The following FXR2 variants were observed in gnomAD, a reference collection of about 807,000 sequenced individuals.
FXR2 encodes the protein RNA-binding protein FXR2.
In FXR2, 9 loss-of-function variants were observed where a neutral mutation model predicts 87.3. That is an observed-to-expected ratio of 0.10 (90% CI 0.06 to 0.18). The LOEUF (loss-of-function observed/expected upper bound fraction) is 0.18. FXR2 is among the 10% of genes least tolerant of loss of function. The probability of loss-of-function intolerance (pLI) is 1.00; values close to 1 mark genes in which losing one functional copy is unlikely to be tolerated. For missense variants in FXR2, 661 were observed against 893.6 expected (o/e 0.74, Z 3.32); for synonymous variants, 331 against 328.3 (o/e 1.01, Z -0.09).
At chr17:7,613,451 A>G (rs2071894321) in intron 1 of FXR2, among the ~76,000 whole-genome samples, 1 of 152,192 alleles carries the variant, frequency 6.6e-6, no homozygotes, top group African/African-American at 2.4e-5. Flanking sequence ...TTCAGAGCAG[A>G]TAAGGAAGGT....
In FXR2 at chr17:7,593,118, C is replaced by T. The variant is rs201963372; in HGVS notation, c.1394G>A (p.Arg465Gln). Residue 465 changes from arginine to glutamine, a missense_variant, in exon 13 of 17, where the codon CGA (arginine) becomes CAA (glutamine). Arg to Gln is a conservative substitution (Grantham distance 43, BLOSUM62 1). Around this residue, in one of 3 missense-constraint regions of FXR2, gnomAD observed 409 missense variants for 432.0 expected, o/e 0.95. Coordinates refer to ENST00000250113, the MANE Select transcript of FXR2 (RefSeq NM_004860.4). This position sits in a 1 kb window ranked among gnomAD's most constrained non-coding sequence, Gnocchi z 6.1. The stretch of plus-strand genomic sequence containing the variant: ...GGGATCCCTGTCGCCAGGCCCAGCT[C>T]GGTTGGGCTCCTCTCTCTTCTCTGA... ...TESEKREEPNRAGPGDRDPPT... is the reference protein window; with the variant it reads ...TESEKREEPNQAGPGDRDPPT... The T allele has an allele frequency of 9.5e-5, 150 of 1,582,482 alleles. 1 individual carries two copies. The African/African-American group carries it at 1.4e-3, about 15-fold the overall frequency.
intron 6 of FXR2, among the ~76,000 whole-genome samples, chr17:7,601,784 G>A (rs2071758362): frequency 1.3e-5 from 2 of 152,036 alleles, no homozygotes; most frequent in Non-Finnish European, 2.9e-5. Flanking sequence ...AAAATTAGCT[G>A]GGCGTGGTGG....
chr17:7,601,544 G>A lies in FXR2; in HGVS notation c.544-19C>T. 3 of 1,430,732 alleles carry A rather than the reference G, an allele frequency of 2.1e-6. No individual in the cohort carries two copies. The highest frequency in any genetic ancestry group is 3.0e-6 in the Non-Finnish European group (3 of 1,013,808). 88.6% of individuals were successfully genotyped at this position (1,430,732 alleles called of 1,614,324 possible). A position where few individuals can be genotyped will look rare whatever the true frequency, so the allele number is the denominator to read the frequency against. On this transcript the variant is annotated intron_variant, in intron 6 of 16. Transcript: ENST00000250113. The stretch of plus-strand genomic sequence containing the variant: ...TGGTTGACTGGGAGGAAACCAGTGG[G>A]AAAGTCATTAAAACTGGCTTGGAAT...
chr17:7,594,337 A>G lies in FXR2; in HGVS notation c.921T>C (p.Ile307=). The change falls in exon 10 of 17, where the codon ATT becomes ATC. Residue 307 remains isoleucine (I), a synonymous_variant. Transcript: ENST00000250113. The surrounding 1 kb of genome is among the most constrained non-coding windows in gnomAD (Gnocchi z 5.1). Reference sequence around the variant, plus strand: ...CCTGGATCACTTTCCCGTTCTTTCCAATCACTTTGCCTGGAATAGGTAAAT... The same window carrying G: ...CCTGGATCACTTTCCCGTTCTTTCCGATCACTTTGCCTGGAATAGGTAAAT... ...QVPRNLVGKV[I]GKNGKVIQEI... The G allele has an allele frequency of 1.2e-6, 2 of 1,608,268 alleles. No individual in the cohort carries two copies. Among genetic ancestry groups the G allele is most frequent in the African/African-American group, 1.3e-5 (1 of 74,928 alleles).
At chr17:7,596,183 C>T (rs541003365) in intron 7 of FXR2, 189 bp from the exon 8 acceptor site, 18 of 534,454 alleles carry the variant, frequency 3.4e-5, no homozygotes, top group East Asian at 2.2e-4. Flanking sequence ...TTTGAGATGG[C>T]GTCTCGCTCT....
chr17:7,592,189 T>G lies in FXR2; in HGVS notation c.1926+65A>C. Reference sequence around the variant, plus strand: ...TTCAGTAGGAGATTTGTGAAATTTTTTGTGCCCCCTGCCCCAGAGTAACAA... The same window carrying G: ...TTCAGTAGGAGATTTGTGAAATTTTGTGTGCCCCCTGCCCCAGAGTAACAA... On this transcript the variant is annotated intron_variant, in intron 16 of 16. Coordinates refer to ENST00000250113, the MANE Select transcript of FXR2 (RefSeq NM_004860.4). This position sits in a 1 kb window ranked among gnomAD's most constrained non-coding sequence, Gnocchi z 4.8. 2 of 1,541,696 alleles carry G rather than the reference T, an allele frequency of 1.3e-6. No homozygotes were observed. Among genetic ancestry groups the G allele is most frequent in the Non-Finnish European group, 1.8e-6 (2 of 1,126,992 alleles).
Position 7,594,512 on chromosome 17 carries a change from C to G in FXR2, c.911-165G>C. 1.5e-6 allele frequency: 1 copy of G among 671,812 alleles called. No homozygotes were observed. Among genetic ancestry groups the G allele is most frequent in the Non-Finnish European group, 2.6e-6 (1 of 381,586 alleles). 41.6% of individuals were successfully genotyped at this position (671,812 alleles called of 1,614,324 possible). A position where few individuals can be genotyped will look rare whatever the true frequency, so the allele number is the denominator to read the frequency against. On this transcript the variant is annotated intron_variant, in intron 9 of 16. Transcript: ENST00000250113. The surrounding 1 kb of genome is among the most constrained non-coding windows in gnomAD (Gnocchi z 5.1). The stretch of plus-strand genomic sequence containing the variant: ...TTTTTACAGGACAAAATGTTACAAT[C>G]CCTAGAAATTTATTCTTTCATTTTT...
At chr17:7,598,428 C>T (rs2071725653) in intron 7 of FXR2, among the ~76,000 whole-genome samples, 1 of 152,224 alleles carries the variant, frequency 6.6e-6, no homozygotes, top group Non-Finnish European at 1.5e-5. Flanking sequence ...GCACTCCAGC[C>T]TGGGTGACAG....
chr17:7,600,061 C>A (rs1044163644), intron 7 of FXR2, among the ~76,000 whole-genome samples: 1 of 151,106 alleles, frequency 6.6e-6, no homozygotes. Flanking sequence ...CCACGCCTGG[C>A]TAATTTTTGT....
chr17:7,593,073 C>T lies in FXR2; in HGVS notation c.1439G>A (p.Ser480Asn). The T allele has an allele frequency of 1.9e-6, 3 of 1,591,768 alleles. No individual in the cohort carries two copies. The highest frequency in any genetic ancestry group is 3.4e-4 in the Middle Eastern group (2 of 5,938). The change falls in exon 13 of 17, where the codon AGC becomes AAC. Residue 480 changes from serine (S) to asparagine (N), a missense_variant. Ser to Asn is a conservative substitution (Grantham distance 46, BLOSUM62 1). Transcript: ENST00000250113. This position sits in a 1 kb window ranked among gnomAD's most constrained non-coding sequence, Gnocchi z 6.1. The stretch of plus-strand genomic sequence containing the variant: ...CCGGCCCCCAGTCGGCCGCCTCCGG[C>T]TTTCTTCCCCTCGGGTTGGGGGATC... ...DRDPPTRGEE[S>N]RRRPTGGRGR...
chr17:7,607,727 T>G (rs1351561134), intron 1 of FXR2, among the ~76,000 whole-genome samples: 1 of 151,604 alleles, frequency 6.6e-6, no homozygotes, highest in Non-Finnish European at 1.5e-5. Flanking sequence ...GTGCCCAGCC[T>G]ATGATCCATT....
intron 3 of FXR2, 31 bp from the exon 4 acceptor site, chr17:7,604,111 T>G: frequency 6.7e-7 from 1 of 1,489,002 alleles, no homozygotes; most frequent in Non-Finnish European, 9.2e-7. Context: ...AAAGAGATAT[T>G]GAAGACCACC....
intron 5 of FXR2, 35 bp from the exon 6 acceptor site, chr17:7,603,037 C>T (rs2071771856): frequency 9.6e-7 from 1 of 1,044,838 alleles, no homozygotes. Flanking sequence ...GGGCAGAATG[C>T]AGAGAGTACA....
rs778417682 is a variant in FXR2 at position 7,594,742 on chromosome 17, G to T, written c.847C>A (p.Arg283=). The change falls in exon 9 of 17, where the codon CGA becomes AGA. Residue 283 remains arginine (R), a synonymous_variant. Transcript: ENST00000250113. The surrounding 1 kb of genome is among the most constrained non-coding windows in gnomAD (Gnocchi z 5.1). ...AACTCAAGGTAGCTTCGGGCCTGTCGGCAAGCCTCGGGAGTCTAAAGGAAG... is the reference window on the plus strand; with the variant it reads ...AACTCAAGGTAGCTTCGGGCCTGTCTGCAAGCCTCGGGAGTCTAAAGGAAG... The part of the protein sequence containing the change: ...RIYGETPEAC[R]QARSYLEFSE... 1.9e-6 allele frequency: 3 copies of T among 1,609,518 alleles called. No homozygotes were observed. The South Asian group carries it at 3.3e-5, about 18-fold the overall frequency.
intron 1 of FXR2, among the ~76,000 whole-genome samples, chr17:7,608,439 A>T (rs1641546): frequency 0.25 from 37,279 of 147,044 alleles, 5,460 homozygotes; most frequent in Middle Eastern, 0.42. Context: ...TAAAAAAAAA[A>T]AAAAATAATA....
Position 7,591,517 on chromosome 17 carries a change from C to A in FXR2, c.*313G>T, listed in dbSNP as rs949485849. ...TCAAATCTGGGTGGGTCGAGGAGCA[C>A]CCCCCACCAACAGGTGGAGAATGGG... On this transcript the variant is annotated 3_prime_UTR_variant, in exon 17 of 17. Coordinates refer to ENST00000250113, the MANE Select transcript of FXR2 (RefSeq NM_004860.4). The surrounding 1 kb of genome is among the most constrained non-coding windows in gnomAD (Gnocchi z 4.0). The A allele has an allele frequency of 1.4e-4, 47 of 339,224 alleles. No individual in the cohort carries two copies. In the East Asian group the frequency reaches 3.5e-3, roughly 25 times the overall value. 21.0% of individuals were successfully genotyped at this position (339,224 alleles called of 1,614,324 possible). A position where few individuals can be genotyped will look rare whatever the true frequency, so the allele number is the denominator to read the frequency against.
intron 1 of FXR2, among the ~76,000 whole-genome samples, chr17:7,608,269 AGATATCT>A (rs1387898728): frequency 1.4e-4 from 21 of 151,586 alleles, no homozygotes; most frequent in Admixed American, 9.2e-4. Flanking sequence ...TTTTACCTAA[AGATATCT>A]TGTTCCAGCA....
At position 7,594,149 on chromosome 17, in the gene FXR2, C is replaced by A; in HGVS notation, c.1020+89G>T. 1.1e-6 allele frequency: 1 copy of A among 917,186 alleles called. No homozygotes were observed. The highest frequency in any genetic ancestry group is 1.8e-6 in the Non-Finnish European group (1 of 562,028). 56.8% of individuals were successfully genotyped at this position (917,186 alleles called of 1,614,324 possible). A position where few individuals can be genotyped will look rare whatever the true frequency, so the allele number is the denominator to read the frequency against. On this transcript the variant is annotated intron_variant, in intron 10 of 16. Transcript: ENST00000250113. The surrounding 1 kb of genome is among the most constrained non-coding windows in gnomAD (Gnocchi z 5.1). Reference sequence around the variant, plus strand: ...GTGTTAAACAACTTTCCGTACTCCACCCTCTCAAAGAACAATCCCAGCCCT... The same window carrying A: ...GTGTTAAACAACTTTCCGTACTCCAACCTCTCAAAGAACAATCCCAGCCCT...
chr17:7,599,232 G>C (rs780378438), intron 7 of FXR2, among the ~76,000 whole-genome samples: 18 of 151,678 alleles, frequency 1.2e-4, no homozygotes, highest in Non-Finnish European at 1.9e-4. Context: ...TCGGGGGGTA[G>C]AGACTGCAGT....
Sources: gnomAD v4.1 joint callset for allele counts (sites outside exome capture counted in the v4.1 genomes callset) on GRCh38, gnomAD v4.1.1 for gene constraint, gnomAD v4.1.1 regional missense constraint, Gnocchi (gnomAD v3.1) non-coding constraint, MANE v1.5 for transcripts, NCBI Gene and HGNC (gene_info 2026-07-23, HGNC 2026-07-21) for gene names.